The following RAB3C variants were observed in gnomAD, a reference collection of about 807,000 sequenced individuals.
RAB3C encodes the protein ras-related protein Rab-3C.
Under a neutral mutation model 26.4 loss-of-function variants are expected in RAB3C, and 17 were observed. The observed-to-expected ratio is 0.64, with a 90% CI of 0.44 to 0.97. The LOEUF (loss-of-function observed/expected upper bound fraction) is 0.97, where lower values mean the gene tolerates loss of function less well. Among genes scored for constraint, RAB3C ranks in the 50% least tolerant of loss-of-function variants. The pLI is 0.00. For synonymous variants in RAB3C, 91 were observed against 95.9 expected, an observed-to-expected ratio of 0.95 and a Z score of 0.30; for missense variants, 242 against 281.9, an observed-to-expected ratio of 0.86 and a Z score of 1.01.
At chr5:58,630,855 A>G (rs554504248) in intron 2 of RAB3C, among the ~76,000 whole-genome samples, 1 of 152,280 alleles carries the variant, frequency 6.6e-6, no homozygotes, top group East Asian at 1.9e-4. Flanking sequence ...CATTTATCAC[A>G]AGGGGCACTT....
intron 4 of RAB3C, among the ~76,000 whole-genome samples, chr5:58,841,939 A>G (rs985261263): frequency 3.3e-5 from 5 of 151,996 alleles, no homozygotes; most frequent in African/African-American, 1.2e-4. Flanking sequence ...TTCTTATCCT[A>G]TTGAGCTCTC....
chr5:58,703,991 A>C (rs1333572609), intron 2 of RAB3C, among the ~76,000 whole-genome samples: 1 of 152,192 alleles, frequency 6.6e-6, no homozygotes, highest in East Asian at 1.9e-4. Flanking sequence ...GGAAACTAAA[A>C]AGATGAAATG....
At chr5:58,613,830 C>T (rs559627994) in intron 1 of RAB3C, among the ~76,000 whole-genome samples, 8 of 151,984 alleles carry the variant, frequency 5.3e-5, no homozygotes, top group South Asian at 2.1e-4. Flanking sequence ...TTTTCAGACA[C>T]GTCCTATGTG....
At chr5:58,825,465 T>C (rs1009661187) in intron 4 of RAB3C, among the ~76,000 whole-genome samples, 2 of 152,342 alleles carry the variant, frequency 1.3e-5, no homozygotes, top group South Asian at 2.1e-4. Context: ...TTTTGGTTTT[T>C]TTCCCCCATA....
At chr5:58,762,534 A>C (rs999286686) in intron 3 of RAB3C, among the ~76,000 whole-genome samples, 4 of 152,098 alleles carry the variant, frequency 2.6e-5, no homozygotes, top group Non-Finnish European at 4.4e-5. Flanking sequence ...CTCTACTAAA[A>C]ATACAAAAAT....
intron 2 of RAB3C, among the ~76,000 whole-genome samples, chr5:58,650,714 A>C (rs1430008307): frequency 6.6e-6 from 1 of 152,144 alleles, no homozygotes; most frequent in Non-Finnish European, 1.5e-5. Flanking sequence ...ATCATCTCTA[A>C]AGGTGTATCT....
intron 4 of RAB3C, among the ~76,000 whole-genome samples, chr5:58,849,963 G>A (rs540378967): frequency 4.6e-5 from 7 of 152,334 alleles, no homozygotes; most frequent in Admixed American, 3.3e-4. Flanking sequence ...GCTCCTCTGA[G>A]ATAGGGCCAG....
chr5:58,822,821 C>T (rs1743373539), intron 3 of RAB3C: 2 of 620,442 alleles, frequency 3.2e-6, no homozygotes, highest in Non-Finnish European at 6.1e-6. Context: ...TGGCCTGCCA[C>T]TGGCCCACGG....
chr5:58,797,352 AAATATGTATATATATAATATAT>A lies in RAB3C; in HGVS notation c.372-27684_372-27663del, dbSNP rs1451391191. Among the ~76,000 whole-genome samples, 42 of 58,280 alleles carry A rather than the reference AAATATGTATATATATAATATAT, an allele frequency of 7.2e-4. 1 individual carries two copies. Among genetic ancestry groups the A allele is most frequent in the African/African-American group, 2.4e-3 (20 of 8,234 alleles). The allele number at this position is 58,280 out of a possible 152,430, so 38.2% of individuals were successfully genotyped here. A position where few individuals can be genotyped will look rare whatever the true frequency, so the allele number is the denominator to read the frequency against. ...CTCCCTGGAAGACAAAAAAAAAAAA[AAATATGTATATATATAATATAT>A]ATATATATATATATATATATATACA... On this transcript the variant is annotated intron_variant, in intron 3 of 4. Coordinates refer to ENST00000282878, the MANE Select transcript of RAB3C (RefSeq NM_138453.4).
chr5:58,828,758 AT>A (rs1385718576), intron 4 of RAB3C, among the ~76,000 whole-genome samples: 1 of 152,140 alleles, frequency 6.6e-6, no homozygotes, highest in Non-Finnish European at 1.5e-5. Context: ...TAGACTCTAC[AT>A]TTTTAACAAG....
chr5:58,728,814 C>T (rs146144855), intron 3 of RAB3C, among the ~76,000 whole-genome samples: 2 of 152,116 alleles, frequency 1.3e-5, no homozygotes, highest in South Asian at 2.1e-4. Context: ...GTGGACAGTG[C>T]AACCTCCAGG....
At chr5:58,849,530 T>A (rs1744071511) in intron 4 of RAB3C, among the ~76,000 whole-genome samples, 1 of 152,196 alleles carries the variant, frequency 6.6e-6, no homozygotes, top group Non-Finnish European at 1.5e-5. Flanking sequence ...GATGGCCTTA[T>A]CTGCAGATTT....
intron 2 of RAB3C, among the ~76,000 whole-genome samples, chr5:58,722,602 A>G (rs1004294586): frequency 2.6e-5 from 4 of 151,882 alleles, no homozygotes; most frequent in African/African-American, 4.8e-5. Flanking sequence ...AAGCTTACAC[A>G]TATCACAAAA....
intron 3 of RAB3C, among the ~76,000 whole-genome samples, chr5:58,792,815 A>G (rs1214621071): frequency 6.6e-6 from 1 of 151,948 alleles, no homozygotes; most frequent in Non-Finnish European, 1.5e-5. Flanking sequence ...GTGTATATAT[A>G]CACACACACA....
chr5:58,756,775 A>G (rs1355428607), intron 3 of RAB3C, among the ~76,000 whole-genome samples: 1 of 149,096 alleles, frequency 6.7e-6, no homozygotes, highest in East Asian at 2.0e-4. Flanking sequence ...ACATGATCTC[A>G]TTCCTTTTTA....
rs112812078 is a variant in RAB3C at position 58,654,225 on chromosome 5, G to A, written c.252+36355G>A. 5.3e-4 allele frequency among the ~76,000 whole-genome samples: 80 copies of A among 152,258 alleles called. 1 individual carries two copies. The highest frequency in any genetic ancestry group is 1.9e-3 in the African/African-American group (79 of 41,542). On this transcript the variant is annotated intron_variant, in intron 2 of 4. Coordinates refer to ENST00000282878, the MANE Select transcript of RAB3C (RefSeq NM_138453.4). ...GACTATAATATATCATGTAGGTAAT[G>A]AAGTATTGCTTGGAGTGTGCAATGT... is the stretch of plus-strand genomic sequence containing the variant.
intron 2 of RAB3C, among the ~76,000 whole-genome samples, chr5:58,707,023 T>C (rs1205470566): frequency 6.6e-6 from 1 of 152,224 alleles, no homozygotes; most frequent in Non-Finnish European, 1.5e-5. Flanking sequence ...ACATTCCATA[T>C]TGAAGTGGGT....
At chr5:58,763,604 G>A (rs1229123829) in intron 3 of RAB3C, among the ~76,000 whole-genome samples, 1 of 152,060 alleles carries the variant, frequency 6.6e-6, no homozygotes, top group African/African-American at 2.4e-5. Flanking sequence ...TTGTCAAAAG[G>A]AAACAGGATG....
intron 2 of RAB3C, among the ~76,000 whole-genome samples, chr5:58,673,483 CACACAT>C (rs1192377570): frequency 4.1e-5 from 6 of 144,668 alleles, no homozygotes; most frequent in Non-Finnish European, 4.6e-5. Flanking sequence ...CACACACACA[CACACAT>C]ACAATTTTCA....
Sources: allele counts gnomAD v4.1 joint callset (sites outside exome capture counted in the v4.1 genomes callset), GRCh38; gene constraint gnomAD v4.1.1; transcripts MANE v1.5; gene names NCBI Gene and HGNC (gene_info 2026-07-23, HGNC 2026-07-21).